DCC: variants seen among roughly 807,000 people sequenced by gnomAD.
The protein encoded by DCC is DCC netrin 1 receptor.
DCC carries 58 observed loss-of-function variants against 172.5 expected under a neutral mutation model. That is an observed-to-expected ratio of 0.34 (90% CI 0.27 to 0.42). DCC has a LOEUF of 0.42. DCC is among the 10% of genes least tolerant of loss of function. The pLI is 1.00. For synonymous variants in DCC, 709 were observed against 644.5 expected, an observed-to-expected ratio of 1.10 and a Z score of -1.52; for missense variants, 1,740 against 1,791.0, an observed-to-expected ratio of 0.97 and a Z score of 0.51.
At chr18:53,192,625 T>C (rs185691528) in intron 9 of DCC, among the ~76,000 whole-genome samples, 131 of 151,892 alleles carry the variant, frequency 8.6e-4, no homozygotes, top group Non-Finnish European at 1.6e-3. Flanking sequence ...AAGAAGAAAA[T>C]AGTTTGTGAT....
chr18:52,589,638 C>G (rs2033754229), intron 1 of DCC, among the ~76,000 whole-genome samples: 1 of 151,948 alleles, frequency 6.6e-6, no homozygotes, highest in African/African-American at 2.4e-5. Flanking sequence ...TAAAATGTAG[C>G]TAACATTTTA....
intron 1 of DCC, among the ~76,000 whole-genome samples, chr18:52,690,262 C>A (rs1388526248): frequency 6.6e-6 from 1 of 152,124 alleles, no homozygotes; most frequent in African/African-American, 2.4e-5. Context: ...TAGAGAAAAG[C>A]CTTGGCTTCT....
At chr18:52,680,282 A>T (rs2035724056) in intron 1 of DCC, among the ~76,000 whole-genome samples, 2 of 152,002 alleles carry the variant, frequency 1.3e-5, no homozygotes, top group African/African-American at 4.8e-5. Context: ...AACCAACTAG[A>T]CCTGGGGGAA....
chr18:53,070,892 A>G (rs2144105278), intron 7 of DCC, among the ~76,000 whole-genome samples: 1 of 152,334 alleles, frequency 6.6e-6, no homozygotes, highest in South Asian at 2.1e-4. Context: ...GAGATGCAGC[A>G]CAGGCCGCGT....
At chr18:52,571,474 T>C (rs186573384) in intron 1 of DCC, among the ~76,000 whole-genome samples, 5 of 152,188 alleles carry the variant, frequency 3.3e-5, no homozygotes, top group African/African-American at 4.8e-5. Flanking sequence ...CTTAAGAAAA[T>C]TGATAGAACA....
At chr18:53,138,045 C>G (rs1311477323) in intron 7 of DCC, among the ~76,000 whole-genome samples, 1 of 151,682 alleles carries the variant, frequency 6.6e-6, no homozygotes, top group Admixed American at 6.6e-5. Context: ...CCAGGGTGGT[C>G]TTAAACTCCT....
chr18:53,149,934 C>G (rs2043973625), intron 7 of DCC, among the ~76,000 whole-genome samples: 1 of 152,154 alleles, frequency 6.6e-6, no homozygotes, highest in Non-Finnish European at 1.5e-5. Flanking sequence ...ACCCGTAGGT[C>G]CCCTTCTGGA....
At chr18:52,395,883 T>G (rs1986206942) in intron 1 of DCC, among the ~76,000 whole-genome samples, 1 of 151,998 alleles carries the variant, frequency 6.6e-6, no homozygotes, top group Admixed American at 6.6e-5. Context: ...CTCAACCTAT[T>G]CCACAACCCA....
chr18:53,256,480 G>A (rs62100781), intron 12 of DCC, among the ~76,000 whole-genome samples: 1 of 150,880 alleles, frequency 6.6e-6, no homozygotes, highest in Non-Finnish European at 1.5e-5. Context: ...ATCCTTTCCT[G>A]ATTTCTTGTT....
chr18:52,861,982 C>T (rs7227223), intron 2 of DCC, among the ~76,000 whole-genome samples: 121,628 of 152,006 alleles, frequency 0.8, 49,938 homozygotes, highest in Admixed American at 0.9. Context: ...AAAGATACAA[C>T]TGACAAGGAA....
chr18:53,223,030 G>A (rs182513294), intron 12 of DCC, among the ~76,000 whole-genome samples: 16 of 152,064 alleles, frequency 1.1e-4, no homozygotes, highest in Admixed American at 9.2e-4. Flanking sequence ...TCAAGGAATA[G>A]TTATAAAGGA....
intron 1 of DCC, among the ~76,000 whole-genome samples, chr18:52,593,212 C>G (rs1169994796): frequency 6.6e-6 from 1 of 152,126 alleles, no homozygotes; most frequent in Non-Finnish European, 1.5e-5. Context: ...CTTCTCTGAA[C>G]CATTTTCCAA....
chr18:52,830,903 G>T (rs1047679220), intron 2 of DCC, among the ~76,000 whole-genome samples: 1 of 152,092 alleles, frequency 6.6e-6, no homozygotes, highest in African/African-American at 2.4e-5. Flanking sequence ...GAATTTTAAA[G>T]GGAGAAGACA....
chr18:52,390,468 A>G (rs777335420), intron 1 of DCC, among the ~76,000 whole-genome samples: 3 of 152,080 alleles, frequency 2.0e-5, no homozygotes, highest in African/African-American at 7.2e-5. Context: ...CAATCATTGA[A>G]CATTTTTACC....
chr18:53,017,264 T>C (rs1341009714), intron 5 of DCC, among the ~76,000 whole-genome samples: 2 of 152,112 alleles, frequency 1.3e-5, no homozygotes, highest in African/African-American at 2.4e-5. Context: ...TTAATTTTCT[T>C]ATGCTTCATA....
At chr18:53,307,406 A>G (rs1385148109) in intron 13 of DCC, among the ~76,000 whole-genome samples, 2 of 152,146 alleles carry the variant, frequency 1.3e-5, no homozygotes, top group Non-Finnish European at 2.9e-5. Context: ...ACTTTGAGAG[A>G]AATCACCAAA....
intron 1 of DCC, among the ~76,000 whole-genome samples, chr18:52,344,360 G>A (rs1438949054): frequency 2.0e-5 from 3 of 152,100 alleles, no homozygotes; most frequent in East Asian, 1.9e-4. Context: ...GTGGGGAGGC[G>A]GGGATATTTT....
At chr18:53,221,021 C>T (rs1359844573) in intron 12 of DCC, among the ~76,000 whole-genome samples, 1 of 152,024 alleles carries the variant, frequency 6.6e-6, no homozygotes, top group Non-Finnish European at 1.5e-5. Flanking sequence ...CTGTGAGACT[C>T]CCTTAAGGAT....
At chr18:53,331,441 G>T (rs971023466) in intron 14 of DCC, among the ~76,000 whole-genome samples, 1 of 152,164 alleles carries the variant, frequency 6.6e-6, no homozygotes, top group Admixed American at 6.5e-5. Context: ...ATGATACAAA[G>T]TTCTAGTGAG....
Sources: allele counts gnomAD v4.1 joint callset (sites outside exome capture counted in the v4.1 genomes callset), GRCh38; gene constraint gnomAD v4.1.1; transcripts MANE v1.5; gene names NCBI Gene and HGNC (gene_info 2026-07-23, HGNC 2026-07-21).